Variants in MYT1L observed in about 807,000 individuals in gnomAD.
The protein encoded by MYT1L is myelin transcription factor 1-like protein.
Under a neutral mutation model 126.7 loss-of-function variants are expected in MYT1L, and 12 were observed. That is an observed-to-expected ratio of 0.09 (90% CI 0.06 to 0.15). The LOEUF (loss-of-function observed/expected upper bound fraction) is 0.15, where lower values mean the gene tolerates loss of function less well. Among genes scored for constraint, MYT1L ranks in the 10% least tolerant of loss-of-function variants. The pLI is 1.00. For synonymous variants in MYT1L, 541 were observed against 604.2 expected (o/e 0.90, Z 1.53); for missense variants, 979 against 1,585.2 (o/e 0.62, Z 6.49).
chr2:1,932,462 A>C (rs1359230249), intron 9 of MYT1L, among the ~76,000 whole-genome samples: 1 of 152,232 alleles, frequency 6.6e-6, no homozygotes, highest in Non-Finnish European at 1.5e-5. Context: ...ATAGTTATTC[A>C]TTTAACAGCT....
chr2:2,047,025 TTTTA>T (rs1293943012), intron 4 of MYT1L, among the ~76,000 whole-genome samples: 3 of 152,206 alleles, frequency 2.0e-5, no homozygotes, highest in Non-Finnish European at 4.4e-5. Context: ...TAGTTAATAT[TTTTA>T]TTTGTTAAAT....
At chr2:2,100,203 T>A (rs1188781997) in intron 3 of MYT1L, among the ~76,000 whole-genome samples, 1 of 151,762 alleles carries the variant, frequency 6.6e-6, no homozygotes, top group Non-Finnish European at 1.5e-5. Flanking sequence ...TTAAAGAGAG[T>A]AGTGAGTATG....
intron 15 of MYT1L, among the ~76,000 whole-genome samples, chr2:1,890,301 G>A (rs2048693529): frequency 6.6e-6 from 1 of 152,100 alleles, no homozygotes; most frequent in Non-Finnish European, 1.5e-5. Flanking sequence ...TCAAACTCCT[G>A]ACCTCAAGTG....
At chr2:1,921,587 C>T (rs557879600) in intron 10 of MYT1L, among the ~76,000 whole-genome samples, 18 of 152,178 alleles carry the variant, frequency 1.2e-4, no homozygotes, top group Admixed American at 3.9e-4. Flanking sequence ...TTGAGAAAAG[C>T]GCCATAACTG....
intron 4 of MYT1L, among the ~76,000 whole-genome samples, chr2:2,003,036 G>C (rs907506762): frequency 1.3e-5 from 2 of 152,152 alleles, no homozygotes; most frequent in African/African-American, 4.8e-5. Flanking sequence ...GTAGCAGCAT[G>C]AGAATGGACT....
chr2:2,095,624 G>A (rs1168999854), intron 3 of MYT1L, among the ~76,000 whole-genome samples: 2 of 152,012 alleles, frequency 1.3e-5, no homozygotes, highest in Non-Finnish European at 2.9e-5. Flanking sequence ...AGGAGGAGAG[G>A]AGAGCAGTCG....
chr2:1,895,897 C>G (rs1461361461), intron 14 of MYT1L, among the ~76,000 whole-genome samples: 1 of 152,182 alleles, frequency 6.6e-6, no homozygotes, highest in Non-Finnish European at 1.5e-5. Context: ...ACGGAGCAGA[C>G]AGATAACCTA....
intron 3 of MYT1L, among the ~76,000 whole-genome samples, chr2:2,066,810 A>C (rs1441490127): frequency 6.6e-6 from 1 of 152,254 alleles, no homozygotes; most frequent in African/African-American, 2.4e-5. Flanking sequence ...CTTGGCAGTC[A>C]GGGTGAGTCA....
At chr2:2,030,471 A>G (rs72767348) in intron 4 of MYT1L, among the ~76,000 whole-genome samples, 6,396 of 152,246 alleles carry the variant, frequency 0.042, 202 homozygotes, top group Non-Finnish European at 0.065. Flanking sequence ...TTCATTTGTT[A>G]TGTGTATACT....
chr2:1,975,217 C>A (rs893028643), intron 8 of MYT1L, among the ~76,000 whole-genome samples: 1 of 88,402 alleles, frequency 1.1e-5, no homozygotes, highest in African/African-American at 7.6e-5. Flanking sequence ...CCCAGAACAC[C>A]ACTGAGGAGG....
rs2060399441 is a variant in MYT1L at position 1,979,094 on chromosome 2, A to G, written c.152+71T>C. 2.4e-6 allele frequency: 3 copies of G among 1,243,940 alleles called. No individual in the cohort carries two copies. Among genetic ancestry groups the G allele is most frequent in the Non-Finnish European group, 3.5e-6 (3 of 861,462 alleles). The allele number at this position is 1,243,940 out of a possible 1,614,324, so 77.1% of individuals were successfully genotyped here. A position where few individuals can be genotyped will look rare whatever the true frequency, so the allele number is the denominator to read the frequency against. ...CCAAGAACACCTGCTCACACAGTTC[A>G]TCATCAGGACTGGGTCCCCAAATAA... On this transcript the variant is annotated intron_variant, in intron 8 of 24. Transcript: ENST00000647738. The surrounding 1 kb of genome is among the most constrained non-coding windows in gnomAD (Gnocchi z 4.0).
intron 3 of MYT1L, among the ~76,000 whole-genome samples, chr2:2,057,678 C>T (rs2069788820): frequency 6.6e-6 from 1 of 152,154 alleles, no homozygotes; most frequent in Non-Finnish European, 1.5e-5. Flanking sequence ...ATTTCAAGAA[C>T]GTTCTATAAA....
rs775837270 is a variant in MYT1L at position 1,979,601 on chromosome 2, G to A, written c.56-47C>T. 4.4e-6 allele frequency: 7 copies of A among 1,605,398 alleles called. No individual in the cohort carries two copies. Among genetic ancestry groups the A allele is most frequent in the South Asian group, 1.1e-5 (1 of 90,866 alleles). ...TAAAAATTTACCATCTATCACAAGC[G>A]ACCCTCTTCCACAGAAAATTACCAA... is the stretch of plus-strand genomic sequence containing the variant. On this transcript the variant is annotated intron_variant, in intron 6 of 24. Transcript: ENST00000647738. This position sits in a 1 kb window ranked among gnomAD's most constrained non-coding sequence, Gnocchi z 4.0.
Position 1,797,371 on chromosome 2 carries a change from C to G in MYT1L, c.3276+4325G>C, listed in dbSNP as rs571356672. On this transcript the variant is annotated intron_variant, in intron 23 of 24. Coordinates refer to ENST00000647738, the MANE Select transcript of MYT1L (RefSeq NM_001303052.2). ...CCCGAGTACCTGGGACTACAGGCGC[C>G]CGCCACCACGCTAGGCTTTTTTGTA... is the stretch of plus-strand genomic sequence containing the variant. Among the ~76,000 whole-genome samples, 7 of 152,314 alleles carry G rather than the reference C, an allele frequency of 4.6e-5. No homozygotes were observed. The South Asian group carries it at 1.5e-3, about 32-fold the overall frequency.
intron 2 of MYT1L, among the ~76,000 whole-genome samples, chr2:2,208,278 T>C (rs1559341268): frequency 6.6e-6 from 1 of 152,224 alleles, no homozygotes. Context: ...AGGCTTGTGA[T>C]ACTCTGTTTT....
intron 3 of MYT1L, among the ~76,000 whole-genome samples, chr2:2,125,244 G>T (rs891799522): frequency 3.9e-5 from 6 of 152,118 alleles, no homozygotes; most frequent in African/African-American, 1.4e-4. Context: ...TTAGTGAGTG[G>T]GGGTCTACTT....
chr2:2,244,917 A>C (rs954660193), intron 2 of MYT1L, among the ~76,000 whole-genome samples: 11 of 152,216 alleles, frequency 7.2e-5, no homozygotes. Context: ...GGTCCTTATT[A>C]GAATAAAGAT....
chr2:2,323,247 C>G (rs1319187704), intron 1 of MYT1L, among the ~76,000 whole-genome samples: 1 of 151,920 alleles, frequency 6.6e-6, no homozygotes, highest in Non-Finnish European at 1.5e-5. Context: ...TCCCCTCCCC[C>G]CAAAAGTTGT....
chr2:1,824,469 T>C (rs2039012224), intron 21 of MYT1L: 2 of 152,410 alleles, frequency 1.3e-5, no homozygotes, highest in African/African-American at 4.8e-5. Context: ...CAGAGAAGGC[T>C]GAGCACAGGG....
Sources: allele counts gnomAD v4.1 joint callset (sites outside exome capture counted in the v4.1 genomes callset), GRCh38; gene constraint gnomAD v4.1.1; non-coding constraint Gnocchi (gnomAD v3.1); transcripts MANE v1.5; gene names NCBI Gene and HGNC (gene_info 2026-07-23, HGNC 2026-07-21).